The following WDR72 variants were observed in gnomAD, a reference collection of about 807,000 sequenced individuals.
WDR72 encodes the protein WD repeat-containing protein 72.
WDR72 carries 120 observed loss-of-function variants against 124.2 expected under a neutral mutation model. The ratio of observed to expected loss-of-function variants is 0.97; its 90% CI spans 0.83 to 1.12. WDR72 has a LOEUF of 1.12. Among genes scored for constraint, WDR72 ranks in the 50% most tolerant of loss-of-function variants. WDR72 has a pLI of 0.00. For missense variants in WDR72, 1,387 were observed against 1,278.8 expected, an observed-to-expected ratio of 1.08 and a Z score of -1.29; for synonymous variants, 452 against 441.7, an observed-to-expected ratio of 1.02 and a Z score of -0.29.
At chr15:53,697,436 G>A (rs1567034290) in intron 13 of WDR72, among the ~76,000 whole-genome samples, 1 of 152,186 alleles carries the variant, frequency 6.6e-6, no homozygotes, top group Non-Finnish European at 1.5e-5. Flanking sequence ...ATCTCTGGCA[G>A]GAGCTGCTTC....
chr15:53,528,629 A>G (rs2140225328), intron 18 of WDR72, among the ~76,000 whole-genome samples: 1 of 152,164 alleles, frequency 6.6e-6, no homozygotes, highest in South Asian at 2.1e-4. Context: ...TTATTTTTGT[A>G]TTATTACCTA....
intron 14 of WDR72, among the ~76,000 whole-genome samples, chr15:53,629,828 C>A (rs990781134): frequency 6.6e-5 from 10 of 152,108 alleles, no homozygotes; most frequent in Non-Finnish European, 1.0e-4. Flanking sequence ...AGCCTACCAG[C>A]CACTGGATCA....
rs148231331 is a variant in WDR72 at position 53,514,234 on chromosome 15, C to T, written c.*3465G>A. ...TTTTGGCACTTTACATATAAGACAA[C>T]ATTTTGTGGAGAATAAAGGAGTCTA... On this transcript the variant is annotated 3_prime_UTR_variant, in exon 20 of 20. Coordinates refer to ENST00000360509, the MANE Select transcript of WDR72 (RefSeq NM_182758.4). 15 of 152,252 alleles carry T rather than the reference C, an allele frequency of 9.9e-5. No homozygotes were observed. Among genetic ancestry groups the T allele is most frequent in the African/African-American group, 3.4e-4 (14 of 41,556 alleles). The allele number at this position is 152,252 out of a possible 1,614,324, so 9.4% of individuals were successfully genotyped here.
In WDR72 at chr15:53,626,932, C is replaced by T. The variant is rs76636532; in HGVS notation, c.1963-10689G>A. Among the ~76,000 whole-genome samples, 18 of 152,286 alleles carry T rather than the reference C, an allele frequency of 1.2e-4. No individual in the cohort carries two copies. The South Asian group carries it at 1.7e-3, about 14-fold the overall frequency. On this transcript the variant is annotated intron_variant, in intron 14 of 19. Coordinates refer to ENST00000360509, the MANE Select transcript of WDR72 (RefSeq NM_182758.4). The stretch of plus-strand genomic sequence containing the variant: ...CCTCATCTTCTCACTTTTGTCACTT[C>T]GTACAGTAACACTTAATATAAATAT...
intron 12 of WDR72, among the ~76,000 whole-genome samples, chr15:53,701,559 T>TCTCTCTCTCTCTCACA (rs369568228): frequency 3.6e-3 from 434 of 120,138 alleles, no homozygotes; most frequent in Non-Finnish European, 5.4e-3. Flanking sequence ...TCTCTCTCTC[T>TCTCTCTCTCTCTCACA]CACACACACA....
At chr15:53,601,146 C>A (rs1005939696) in intron 17 of WDR72, among the ~76,000 whole-genome samples, 1 of 152,120 alleles carries the variant, frequency 6.6e-6, no homozygotes, top group African/African-American at 2.4e-5. Flanking sequence ...GCCCATTAGA[C>A]TAACAGTGGG....
At chr15:53,674,842 G>A (rs2016111099) in intron 13 of WDR72, among the ~76,000 whole-genome samples, 2 of 152,034 alleles carry the variant, frequency 1.3e-5, no homozygotes, top group East Asian at 3.9e-4. Context: ...TCACAGCAAT[G>A]CTGGGATTTA....
At chr15:53,540,227 A>G (rs1893006411) in intron 18 of WDR72, among the ~76,000 whole-genome samples, 1 of 152,236 alleles carries the variant, frequency 6.6e-6, no homozygotes, top group Non-Finnish European at 1.5e-5. Flanking sequence ...TGACAAGAAT[A>G]TAGAAAACCT....
At chr15:53,701,435 G>A (rs1221072883) in intron 12 of WDR72, among the ~76,000 whole-genome samples, 1 of 151,894 alleles carries the variant, frequency 6.6e-6, no homozygotes, top group Admixed American at 6.6e-5. Context: ...CAGCTACTTG[G>A]GAGGCTGAGG....
At chr15:53,568,381 A>G (rs1198108300) in intron 18 of WDR72, among the ~76,000 whole-genome samples, 1 of 151,894 alleles carries the variant, frequency 6.6e-6, no homozygotes, top group East Asian at 1.9e-4. Flanking sequence ...TCTAATACTC[A>G]AAACAGTAAC....
At chr15:53,520,961 A>C (rs1468471035) in intron 19 of WDR72, among the ~76,000 whole-genome samples, 1 of 152,042 alleles carries the variant, frequency 6.6e-6, no homozygotes, top group Non-Finnish European at 1.5e-5. Flanking sequence ...AAGTGTCTTA[A>C]TTTCTTATCA....
At chr15:53,761,216 G>T (rs903515580), upstream of WDR72, among the ~76,000 whole-genome samples, 6 of 152,130 alleles carry the variant, frequency 3.9e-5, no homozygotes, top group African/African-American at 1.4e-4. Flanking sequence ...ATATGAAAAG[G>T]TGCTCAACAT....
upstream of WDR72, among the ~76,000 whole-genome samples, chr15:53,761,810 T>C (rs1428813878): frequency 1.8e-5 from 2 of 112,918 alleles, no homozygotes; most frequent in Non-Finnish European, 3.8e-5. Flanking sequence ...AAACAGAGCA[T>C]GACTCTGTCA....
intron 13 of WDR72, among the ~76,000 whole-genome samples, chr15:53,676,302 T>C (rs1351316575): frequency 1.3e-5 from 2 of 152,212 alleles, no homozygotes; most frequent in Non-Finnish European, 2.9e-5. Context: ...CCAGTGATTA[T>C]TAAAGGGCAA....
rs550739900 is a variant in WDR72, at chr15:53,744,739, G to T, written c.-12-11578C>A. On this transcript the variant is annotated intron_variant, in intron 1 of 19. Transcript: ENST00000360509. ...GTAATATTTCTTATATGATGTGTTT[G>T]ACCTGGATACTGAAGCAAGAGTTCA... Among the ~76,000 whole-genome samples, 24 of 152,226 alleles carry T rather than the reference G, an allele frequency of 1.6e-4. 1 individual carries two copies. In the South Asian group the frequency reaches 5.0e-3, roughly 32 times the overall value.
intron 1 of WDR72, among the ~76,000 whole-genome samples, chr15:53,736,179 C>A (rs1166411322): frequency 6.6e-6 from 1 of 152,080 alleles, no homozygotes; most frequent in Non-Finnish European, 1.5e-5. Context: ...AATGATAGAA[C>A]CCTTTCCCTT....
chr15:53,702,061 ACTTGT>A (rs2017196047), intron 12 of WDR72, 68 bp downstream of exon 12: 2 of 1,160,800 alleles, frequency 1.7e-6, no homozygotes, highest in Admixed American at 4.6e-5. Context: ...GGTCATTTTT[ACTTGT>A]CTTATTAAGT....
At chr15:53,609,710 C>T (rs1279220850) in intron 16 of WDR72, 118 bp from the exon 17 acceptor site, 3 of 801,910 alleles carry the variant, frequency 3.7e-6, no homozygotes, top group Admixed American at 4.0e-5. Context: ...ACACCAATGC[C>T]CAGGTTCAAT....
rs562540606 is a variant in WDR72, at chr15:53,741,102, G to C, written c.-12-7941C>G. ...AAATTTTCTGAGGGCAGAGACTTCT[G>C]TCTCATTTGTCTATTGCTATAATTG... On this transcript the variant is annotated intron_variant, in intron 1 of 19. Coordinates refer to ENST00000360509, the MANE Select transcript of WDR72 (RefSeq NM_182758.4). Among the ~76,000 whole-genome samples the C allele has an allele frequency of 4.8e-4, 73 of 152,264 alleles. No homozygotes were observed. In the South Asian group the frequency reaches 0.015, roughly 31 times the overall value.
Sources: gnomAD v4.1 joint callset for allele counts (sites outside exome capture counted in the v4.1 genomes callset) on GRCh38, gnomAD v4.1.1 for gene constraint, MANE v1.5 for transcripts, NCBI Gene and HGNC (gene_info 2026-07-23, HGNC 2026-07-21) for gene names.